NKAIN2: variants seen among roughly 807,000 people sequenced by gnomAD.
NKAIN2 encodes the protein sodium/potassium-transporting ATPase subunit beta-1-interacting protein 2.
NKAIN2 carries 14 observed loss-of-function variants against 32.6 expected under a neutral mutation model. The ratio of observed to expected loss-of-function variants is 0.43; its 90% CI spans 0.28 to 0.67. The LOEUF is 0.67. Among genes scored for constraint, NKAIN2 ranks in the 30% least tolerant of loss-of-function variants. The probability of loss-of-function intolerance (pLI) is 0.17; values close to 1 mark genes in which losing one functional copy is unlikely to be tolerated. For missense variants in NKAIN2, 198 were observed against 258.3 expected, an observed-to-expected ratio of 0.77 and a Z score of 1.60; for synonymous variants, 80 against 87.2, an observed-to-expected ratio of 0.92 and a Z score of 0.46.
At chr6:124,071,380 C>G (rs886775604) in intron 1 of NKAIN2, among the ~76,000 whole-genome samples, 1 of 151,932 alleles carries the variant, frequency 6.6e-6, no homozygotes, top group Admixed American at 6.6e-5. Context: ...TAGAAGAAAA[C>G]CCAGGAAACA....
At position 124,296,557 on chromosome 6, in the gene NKAIN2, T is replaced by C. The variant is rs746100666; in HGVS notation, c.192+13415T>C. Among the ~76,000 whole-genome samples, 9 of 152,316 alleles carry C rather than the reference T, an allele frequency of 5.9e-5. No homozygotes were observed. In the South Asian group the frequency reaches 8.3e-4, roughly 14 times the overall value. ...CATAAAATGAGGTATGTAAAACTTA[T>C]ATACTTAAAGATTGCATTGAAAACC... On this transcript the variant is annotated intron_variant, in intron 2 of 6. Transcript: ENST00000368417.
intron 3 of NKAIN2, among the ~76,000 whole-genome samples, chr6:124,401,600 G>T (rs920896249): frequency 1.3e-5 from 2 of 152,158 alleles, no homozygotes; most frequent in African/African-American, 4.8e-5. Flanking sequence ...GTGTGGTCAG[G>T]CTTTTTCCAT....
chr6:123,992,082 T>C (rs1562296446), intron 1 of NKAIN2, among the ~76,000 whole-genome samples: 1 of 152,096 alleles, frequency 6.6e-6, no homozygotes, highest in Non-Finnish European at 1.5e-5. Flanking sequence ...GAATGGTAAC[T>C]AGTATGAGCA....
At chr6:124,815,211 A>G (rs1346584607) in intron 5 of NKAIN2, among the ~76,000 whole-genome samples, 1 of 92,978 alleles carries the variant, frequency 1.1e-5, no homozygotes, top group Non-Finnish European at 2.4e-5. Context: ...CCCCAGTCTT[A>G]AACTATATAT....
rs373788278 is a variant in NKAIN2, at chr6:124,699,646, A to G, written c.474+41260A>G. 3.3e-5 allele frequency among the ~76,000 whole-genome samples: 5 copies of G among 152,300 alleles called. No homozygotes were observed. In the East Asian group the frequency reaches 7.7e-4, roughly 24 times the overall value. ...CCACTCTCTTGCTGCTGCTCCAGCC[A>G]TGTAAGACATGCCTGCTTCCCTTTG... On this transcript the variant is annotated intron_variant, in intron 4 of 6. Coordinates refer to ENST00000368417, the MANE Select transcript of NKAIN2 (RefSeq NM_001040214.3).
chr6:124,351,598 A>G lies in NKAIN2; in HGVS notation c.193-3669A>G, dbSNP rs192106882. Among the ~76,000 whole-genome samples the G allele has an allele frequency of 3.1e-3, 469 of 151,422 alleles. 1 individual carries two copies. Among genetic ancestry groups the G allele is most frequent in the Non-Finnish European group, 5.1e-3 (344 of 67,872 alleles). On this transcript the variant is annotated intron_variant, in intron 2 of 6. Transcript: ENST00000368417. ...AAATAAATCTTTGAGGATTACTGCT[A>G]TTTTATTTATTTATTTATCTATTTA...
intron 1 of NKAIN2, among the ~76,000 whole-genome samples, chr6:123,821,212 C>T (rs1388834934): frequency 6.6e-6 from 1 of 152,200 alleles, no homozygotes; most frequent in Non-Finnish European, 1.5e-5. Flanking sequence ...GACGTAGCCA[C>T]TGGATATTTA....
intron 1 of NKAIN2, among the ~76,000 whole-genome samples, chr6:124,178,685 A>C (rs1789288286): frequency 6.6e-6 from 1 of 152,188 alleles, no homozygotes; most frequent in Admixed American, 6.5e-5. Context: ...GAGGAAACTA[A>C]GGATAGTGTG....
chr6:124,396,041 G>A (rs1250980721), intron 3 of NKAIN2, among the ~76,000 whole-genome samples: 1 of 151,990 alleles, frequency 6.6e-6, no homozygotes, highest in East Asian at 1.9e-4. Context: ...TTATAATCTG[G>A]TATAACTTCC....
chr6:124,603,084 A>G (rs912899000), intron 3 of NKAIN2, among the ~76,000 whole-genome samples: 7 of 152,048 alleles, frequency 4.6e-5, no homozygotes, highest in Admixed American at 3.9e-4. Flanking sequence ...TTTCACTTGC[A>G]TAATTCAATT....
chr6:123,857,180 C>A (rs1346545779), intron 1 of NKAIN2, among the ~76,000 whole-genome samples: 1 of 152,170 alleles, frequency 6.6e-6, no homozygotes, highest in East Asian at 1.9e-4. Context: ...GTTTATGGAA[C>A]CCCTGGAGTT....
rs187264182 is a variant in NKAIN2 at position 124,632,703 on chromosome 6, C to G, written c.274-25483C>G. ...GGAAACAATCCAAATGAAATAGATA[C>G]ATATACTTAAAAGTGTTTTATTTAG... On this transcript the variant is annotated intron_variant, in intron 3 of 6. Coordinates refer to ENST00000368417, the MANE Select transcript of NKAIN2 (RefSeq NM_001040214.3). Among the ~76,000 whole-genome samples the G allele has an allele frequency of 7.9e-3, 1,196 of 152,108 alleles. 10 individuals are homozygous for G. Among genetic ancestry groups the G allele is most frequent in the Non-Finnish European group, 8.6e-3 (585 of 68,000 alleles).
intron 1 of NKAIN2, among the ~76,000 whole-genome samples, chr6:123,992,090 G>A (rs976112489): frequency 6.6e-6 from 1 of 152,122 alleles, no homozygotes; most frequent in Non-Finnish European, 1.5e-5. Context: ...ACTAGTATGA[G>A]CAGTATCTTT....
intron 1 of NKAIN2, among the ~76,000 whole-genome samples, chr6:124,085,580 A>G (rs1316338531): frequency 6.6e-6 from 1 of 151,736 alleles, no homozygotes; most frequent in Non-Finnish European, 1.5e-5. Flanking sequence ...TCATGTGTAC[A>G]CTGGGGATAG....
At chr6:124,246,098 A>G (rs1210424565) in intron 1 of NKAIN2, among the ~76,000 whole-genome samples, 1 of 152,036 alleles carries the variant, frequency 6.6e-6, no homozygotes, top group Non-Finnish European at 1.5e-5. Flanking sequence ...AGTGTCTCAA[A>G]ACTGGCATTT....
At chr6:124,125,057 A>G (rs765734553) in intron 1 of NKAIN2, among the ~76,000 whole-genome samples, 1 of 152,176 alleles carries the variant, frequency 6.6e-6, no homozygotes, top group Admixed American at 6.5e-5. Context: ...AACATCACCT[A>G]TAGATGAGTC....
intron 5 of NKAIN2, among the ~76,000 whole-genome samples, chr6:124,816,914 T>G (rs1041669866): frequency 3.3e-5 from 5 of 152,318 alleles, no homozygotes; most frequent in African/African-American, 1.2e-4. Flanking sequence ...AAAACTAAAC[T>G]TTTTCACAGT....
intron 1 of NKAIN2, among the ~76,000 whole-genome samples, chr6:124,211,095 T>G (rs1181352505): frequency 6.6e-6 from 1 of 151,760 alleles, no homozygotes; most frequent in Non-Finnish European, 1.5e-5. Context: ...TTGGCAAAAA[T>G]GACTGGAACA....
At chr6:124,322,035 A>G (rs1280841378) in intron 2 of NKAIN2, among the ~76,000 whole-genome samples, 1 of 152,194 alleles carries the variant, frequency 6.6e-6, no homozygotes, top group Non-Finnish European at 1.5e-5. Flanking sequence ...CTCGAAACAT[A>G]GCCAGATATC....
Sources: gnomAD v4.1 joint callset for allele counts (sites outside exome capture counted in the v4.1 genomes callset) on GRCh38, gnomAD v4.1.1 for gene constraint, MANE v1.5 for transcripts, NCBI Gene and HGNC (gene_info 2026-07-23, HGNC 2026-07-21) for gene names.